PLEKHA6: variants seen among roughly 807,000 people sequenced by gnomAD.
The protein encoded by PLEKHA6 is pleckstrin homology domain-containing family A member 6.
Under a neutral mutation model 116.7 loss-of-function variants are expected in PLEKHA6, and 60 were observed. The ratio of observed to expected loss-of-function variants is 0.51; its 90% CI spans 0.42 to 0.64. PLEKHA6 has a LOEUF of 0.64. Among genes scored for constraint, PLEKHA6 ranks in the 30% least tolerant of loss-of-function variants. PLEKHA6 has a pLI of 0.00. For missense variants in PLEKHA6, 1,338 were observed against 1,422.7 expected (o/e 0.94, Z 0.96); for synonymous variants, 489 against 556.1 (o/e 0.88, Z 1.70).
intron 3 of PLEKHA6, among the ~76,000 whole-genome samples, chr1:204,365,845 G>C (rs533227791): frequency 6.6e-6 from 1 of 152,322 alleles, no homozygotes; most frequent in Non-Finnish European, 1.5e-5. Flanking sequence ...GGTAGTGCCA[G>C]GTGCTGTGAA....
chr1:204,305,163 G>A (rs1012468913), intron 1 of PLEKHA6, among the ~76,000 whole-genome samples: 1 of 152,196 alleles, frequency 6.6e-6, no homozygotes, highest in Non-Finnish European at 1.5e-5. Context: ...TCAATTGCAC[G>A]ATGAGGGGGC....
chr1:204,260,901 G>A (rs1428572876), intron 7 of PLEKHA6, among the ~76,000 whole-genome samples: 1 of 152,254 alleles, frequency 6.6e-6, no homozygotes, highest in Non-Finnish European at 1.5e-5. Context: ...CGGGTTCAGA[G>A]AGGGTGAGTC....
chr1:204,275,623 G>A (rs932316020), intron 1 of PLEKHA6: 1 of 820,706 alleles, frequency 1.2e-6, no homozygotes, highest in African/African-American at 1.8e-5. Flanking sequence ...TCCTCCGGCT[G>A]GCTGAGTGTC....
chr1:204,367,996 A>G (rs1558204551), intron 2 of PLEKHA6: 1 of 152,270 alleles, frequency 6.6e-6, no homozygotes, highest in Non-Finnish European at 1.5e-5. Flanking sequence ...GCCGAGTTCA[A>G]ACCAACCATT....
At chr1:204,304,218 T>G (rs767494618) in intron 1 of PLEKHA6, among the ~76,000 whole-genome samples, 3 of 152,184 alleles carry the variant, frequency 2.0e-5, no homozygotes, top group Non-Finnish European at 4.4e-5. Context: ...GGAATAAGAA[T>G]GCGCAAGTCC....
chr1:204,264,246 G>T (rs775406699), intron 6 of PLEKHA6, among the ~76,000 whole-genome samples: 2 of 152,102 alleles, frequency 1.3e-5, no homozygotes, highest in Non-Finnish European at 2.9e-5. Flanking sequence ...AGTTTCTGAT[G>T]GGTCGTGACT....
chr1:204,353,424 G>C (rs1316072992), intron 1 of PLEKHA6, among the ~76,000 whole-genome samples: 3 of 152,168 alleles, frequency 2.0e-5, no homozygotes, highest in Non-Finnish European at 4.4e-5. Flanking sequence ...CACCTACTAT[G>C]TGCTAAGTAC....
chr1:204,368,825 C>T lies in PLEKHA6; in HGVS notation c.161-969G>A, dbSNP rs1474671062. The T allele has an allele frequency of 2.0e-5, 3 of 152,378 alleles. No individual in the cohort carries two copies. The East Asian group carries it at 5.8e-4, about 29-fold the overall frequency. The allele number at this position is 152,378 out of a possible 1,614,324, so 9.4% of individuals were successfully genotyped here. On this transcript the variant is annotated intron_variant, in intron 2 of 4. Coordinates refer to the PLEKHA6 transcript ENST00000564627. The stretch of plus-strand genomic sequence containing the variant: ...ACATATTGGAAAACAGGTGGGGATT[C>T]TCTTGATGGACAGTGACTGCCACCT...
At chr1:204,225,464 A>G (rs1660214264) in intron 21 of PLEKHA6, among the ~76,000 whole-genome samples, 1 of 152,228 alleles carries the variant, frequency 6.6e-6, no homozygotes, top group South Asian at 2.1e-4. Flanking sequence ...TGCAGAAATG[A>G]TCAGTCACAC....
Position 204,228,948 on chromosome 1 carries a change from T to C in PLEKHA6, c.2740A>G (p.Ile914Val), listed in dbSNP as rs745729118. Residue 914 changes from isoleucine (I) to valine (V), a missense_variant, in exon 19 of 23, where the codon ATC becomes GTC. Coordinates refer to ENST00000272203, the MANE Select transcript of PLEKHA6 (RefSeq NM_014935.5). This position sits in a 1 kb window ranked among gnomAD's most constrained non-coding sequence, Gnocchi z 4.0. ...CTGGCTCCACTCACCTCCTTATTGA[T>C]GTCCACGTCATAATGCTGGGGCTCT... Reference protein sequence around the residue: ...ELEPQHYDVDINKELSTPDKV... With the variant: ...ELEPQHYDVDVNKELSTPDKV... The C allele has an allele frequency of 1.9e-6, 3 of 1,614,122 alleles. No homozygotes were observed. The highest frequency in any genetic ancestry group is 3.3e-5 in the Admixed American group (2 of 60,024).
rs1010881409 is a variant in PLEKHA6, at chr1:204,281,415, C to T, written c.-94-6606G>A. Among the ~76,000 whole-genome samples, 22 of 152,202 alleles carry T rather than the reference C, an allele frequency of 1.4e-4. 2 individuals are homozygous for T. In the East Asian group the frequency reaches 1.5e-3, roughly 11 times the overall value. The stretch of plus-strand genomic sequence containing the variant: ...TGGCGGGCACCTGTAGTCCCAGCTA[C>T]TCAGGAGGCTGAGGCAGGAGAATGG... On this transcript the variant is annotated intron_variant, in intron 1 of 22. Coordinates refer to ENST00000272203, the MANE Select transcript of PLEKHA6 (RefSeq NM_014935.5).
intron 5 of PLEKHA6, among the ~76,000 whole-genome samples, chr1:204,266,384 CCTT>C (rs1187481469): frequency 6.6e-6 from 1 of 152,162 alleles, no homozygotes; most frequent in Admixed American, 6.5e-5. Flanking sequence ...GTTCTCAGCT[CCTT>C]GAGGTTCTAC....
rs770691482 is a variant in PLEKHA6 at position 204,228,943 on chromosome 1, A to G, written c.2745T>C (p.Asn915=). ...LEPQHYDVDI[N]KELSTPDKVL... ...CCTTCCTGGCTCCACTCACCTCCTT[A>G]TTGATGTCCACGTCATAATGCTGGG... The change falls in exon 19 of 23, where the codon AAT becomes AAC. Residue 915 remains asparagine (N), a synonymous_variant. Coordinates refer to ENST00000272203, the MANE Select transcript of PLEKHA6 (RefSeq NM_014935.5). This position sits in a 1 kb window ranked among gnomAD's most constrained non-coding sequence, Gnocchi z 4.0. The G allele has an allele frequency of 7.4e-6, 12 of 1,613,896 alleles. No homozygotes were observed. Among genetic ancestry groups the G allele is most frequent in the African/African-American group, 1.3e-5 (1 of 74,936 alleles).
chr1:204,244,306 AT>A (rs5780220), intron 15 of PLEKHA6, among the ~76,000 whole-genome samples: 81,330 of 141,300 alleles, frequency 0.58, 22,817 homozygotes, highest in East Asian at 0.82. Flanking sequence ...TAATTTTTGT[AT>A]TTTTTTTTTT....
chr1:204,319,663 G>C (rs1671986000), intron 1 of PLEKHA6, among the ~76,000 whole-genome samples: 1 of 152,160 alleles, frequency 6.6e-6, no homozygotes, highest in Non-Finnish European at 1.5e-5. Flanking sequence ...GCAGTCATTT[G>C]TTTACATGTC....
upstream of PLEKHA6, among the ~76,000 whole-genome samples, chr1:204,361,760 C>A (rs145365614): frequency 1.0e-3 from 152 of 152,332 alleles, no homozygotes; most frequent in Admixed American, 1.5e-3. Context: ...CAGGTGCAGG[C>A]AGGGGGAGAG....
intron 1 of PLEKHA6, among the ~76,000 whole-genome samples, chr1:204,293,952 T>C (rs1484600845): frequency 6.6e-6 from 1 of 152,222 alleles, no homozygotes; most frequent in Non-Finnish European, 1.5e-5. Flanking sequence ...TTAGGACAAC[T>C]GGTGAAATTT....
chr1:204,343,362 C>A (rs1343113527), intron 1 of PLEKHA6, among the ~76,000 whole-genome samples: 3 of 152,188 alleles, frequency 2.0e-5, no homozygotes, highest in Admixed American at 6.5e-5. Context: ...ATGTATTTAA[C>A]CCTCTCAACA....
intron 1 of PLEKHA6, among the ~76,000 whole-genome samples, chr1:204,316,611 G>A (rs1407371335): frequency 6.6e-6 from 1 of 152,112 alleles, no homozygotes; most frequent in Non-Finnish European, 1.5e-5. Flanking sequence ...GAGAGATGGA[G>A]GTCCTTCTAA....
Sources: gnomAD v4.1 joint callset for allele counts (sites outside exome capture counted in the v4.1 genomes callset) on GRCh38, gnomAD v4.1.1 for gene constraint, Gnocchi (gnomAD v3.1) non-coding constraint, MANE v1.5 for transcripts, NCBI Gene and HGNC (gene_info 2026-07-23, HGNC 2026-07-21) for gene names.